Variants in ROR2 observed in about 807,000 individuals in gnomAD.
ROR2 encodes ROR family WNT receptor 2.
In ROR2, 33 loss-of-function variants were observed where a neutral mutation model predicts 74.9. The ratio of observed to expected loss-of-function variants is 0.44; its 90% CI spans 0.33 to 0.59. The LOEUF (loss-of-function observed/expected upper bound fraction) is 0.59. ROR2 is among the 20% of genes least tolerant of loss of function. The pLI is 0.02. For synonymous variants in ROR2, 586 were observed against 558.7 expected, an observed-to-expected ratio of 1.05 and a Z score of -0.69; for missense variants, 1,216 against 1,313.8, an observed-to-expected ratio of 0.93 and a Z score of 1.15.
intron 1 of ROR2, among the ~76,000 whole-genome samples, chr9:91,920,683 A>G (rs1831241405): frequency 6.6e-6 from 1 of 152,178 alleles, no homozygotes. Context: ...TCGACAAAGC[A>G]AATGAAGATG....
intron 1 of ROR2, among the ~76,000 whole-genome samples, chr9:91,790,427 T>C (rs1202795314): frequency 6.6e-6 from 1 of 151,680 alleles, no homozygotes; most frequent in African/African-American, 2.4e-5. Flanking sequence ...GAATAATCGC[T>C]TGAACCTGGG....
At chr9:91,876,313 G>A (rs1030699495) in intron 1 of ROR2, among the ~76,000 whole-genome samples, 5 of 151,856 alleles carry the variant, frequency 3.3e-5, no homozygotes, top group Non-Finnish European at 4.4e-5. Flanking sequence ...AGGTTGCAGC[G>A]AGCCAAGATA....
intron 4 of ROR2, among the ~76,000 whole-genome samples, chr9:91,739,567 A>G (rs996992475): frequency 1.1e-4 from 17 of 152,126 alleles, no homozygotes; most frequent in Non-Finnish European, 1.5e-5. Context: ...ACATGGATTT[A>G]AAATCCCTAT....
chr9:91,786,539 C>T (rs1337801441), intron 1 of ROR2, among the ~76,000 whole-genome samples: 1 of 152,138 alleles, frequency 6.6e-6, no homozygotes, highest in East Asian at 1.9e-4. Context: ...ACCAGTTAAC[C>T]TGGGCTACTC....
At chr9:91,849,273 G>A (rs1587779722) in intron 1 of ROR2, among the ~76,000 whole-genome samples, 1 of 152,176 alleles carries the variant, frequency 6.6e-6, no homozygotes, top group African/African-American at 2.4e-5. Flanking sequence ...ATTTCAACAT[G>A]GAGAATCAAT....
chr9:91,902,010 T>C (rs1830689493), intron 1 of ROR2, among the ~76,000 whole-genome samples: 1 of 152,092 alleles, frequency 6.6e-6, no homozygotes, highest in African/African-American at 2.4e-5. Flanking sequence ...CCTCCCTCAA[T>C]TCATTCAACC....
intron 1 of ROR2, among the ~76,000 whole-genome samples, chr9:91,809,352 C>T (rs978206996): frequency 6.6e-6 from 1 of 152,372 alleles, no homozygotes; most frequent in East Asian, 1.9e-4. Flanking sequence ...CCCCAACCCT[C>T]TGCCATTGTG....
intron 4 of ROR2, among the ~76,000 whole-genome samples, chr9:91,754,454 C>G: frequency 6.6e-6 from 1 of 151,914 alleles, no homozygotes; most frequent in Non-Finnish European, 1.5e-5. Context: ...GTCAGGAGTT[C>G]GAGACCAGTC....
At position 91,895,290 on chromosome 9, in the gene ROR2, G is replaced by A. The variant is rs540821449; in HGVS notation, c.97+54577C>T. Among the ~76,000 whole-genome samples, 9 of 152,148 alleles carry A rather than the reference G, an allele frequency of 5.9e-5. No individual in the cohort carries two copies. In the South Asian group the frequency reaches 6.2e-4, roughly 11 times the overall value. On this transcript the variant is annotated intron_variant, in intron 1 of 8. Coordinates refer to ENST00000375708, the MANE Select transcript of ROR2 (RefSeq NM_004560.4). The stretch of plus-strand genomic sequence containing the variant: ...TAAGTGGAGTACAGAAAATTTTTAC[G>A]GCATTGAAAAATATCTGTATGATAC...
chr9:91,895,378 G>A (rs1156864898), intron 1 of ROR2, among the ~76,000 whole-genome samples: 2 of 152,096 alleles, frequency 1.3e-5, no homozygotes, highest in Non-Finnish European at 2.9e-5. Flanking sequence ...AGCACCAAAA[G>A]TGAACCCTAA....
At chr9:91,922,732 CAGGA>C (rs1831304009) in intron 1 of ROR2, among the ~76,000 whole-genome samples, 1 of 152,162 alleles carries the variant, frequency 6.6e-6, no homozygotes, top group Non-Finnish European at 1.5e-5. Flanking sequence ...TGATTACAGG[CAGGA>C]GCCACCGCGC....
chr9:91,846,815 A>G (rs1272823607), intron 1 of ROR2, among the ~76,000 whole-genome samples: 3 of 152,112 alleles, frequency 2.0e-5, no homozygotes, highest in Non-Finnish European at 4.4e-5. Flanking sequence ...ACTGGGCTGG[A>G]GTCTGTCTTT....
At chr9:91,878,420 G>C (rs1377596563) in intron 1 of ROR2, among the ~76,000 whole-genome samples, 1 of 152,126 alleles carries the variant, frequency 6.6e-6, no homozygotes, top group Non-Finnish European at 1.5e-5. Flanking sequence ...GGCAGAAGTG[G>C]GTTTTTTCTT....
At chr9:91,750,692 T>C (rs758759639) in intron 4 of ROR2, among the ~76,000 whole-genome samples, 29 of 152,206 alleles carry the variant, frequency 1.9e-4, no homozygotes, top group Admixed American at 9.8e-4. Flanking sequence ...GCTGGAAACA[T>C]GTGTCAGGGA....
At chr9:91,779,386 T>TC (rs1491294541) in intron 1 of ROR2, among the ~76,000 whole-genome samples, 5 of 136,238 alleles carry the variant, frequency 3.7e-5, no homozygotes, top group Non-Finnish European at 7.7e-5. Context: ...TTTTTTTTTT[T>TC]CGAGACAGAG....
chr9:91,774,610 C>T (rs904020288), intron 2 of ROR2, among the ~76,000 whole-genome samples: 1 of 152,152 alleles, frequency 6.6e-6, no homozygotes, highest in Non-Finnish European at 1.5e-5. Flanking sequence ...GGATTTTAAT[C>T]GGCTTTAATC....
chr9:91,921,403 A>C (rs1045843789), intron 1 of ROR2, among the ~76,000 whole-genome samples: 9 of 152,236 alleles, frequency 5.9e-5, no homozygotes, highest in Non-Finnish European at 1.0e-4. Flanking sequence ...GCAAAAGTAA[A>C]GCAGAATCAG....
intron 1 of ROR2, among the ~76,000 whole-genome samples, chr9:91,843,741 C>T (rs1031653985): frequency 6.6e-6 from 1 of 152,250 alleles, no homozygotes; most frequent in African/African-American, 2.4e-5. Context: ...AGACAAGCCC[C>T]GTGGCACCAC....
At chr9:91,895,438 A>G (rs1048105462) in intron 1 of ROR2, among the ~76,000 whole-genome samples, 1 of 152,230 alleles carries the variant, frequency 6.6e-6, no homozygotes, top group African/African-American at 2.4e-5. Flanking sequence ...TAGGTTCATC[A>G]ACTGTAGAAA....
Sources: allele counts gnomAD v4.1 joint callset (sites outside exome capture counted in the v4.1 genomes callset), GRCh38; gene constraint gnomAD v4.1.1; transcripts MANE v1.5; gene names NCBI Gene and HGNC (gene_info 2026-07-23, HGNC 2026-07-21).